The following CELSR3 variants were observed in gnomAD, a reference collection of about 807,000 sequenced individuals.
CELSR3 encodes EGF-like protein 1.
CELSR3 carries 73 observed loss-of-function variants against 270.0 expected under a neutral mutation model. That is an observed-to-expected ratio of 0.27 (90% confidence interval 0.22 to 0.33). The LOEUF (loss-of-function observed/expected upper bound fraction) is 0.33. CELSR3 is among the 10% of genes least tolerant of loss of function. CELSR3 has a pLI of 1.00. For synonymous variants in CELSR3, 1,780 were observed against 1,905.4 expected (o/e 0.93, Z 1.71); for missense variants, 3,614 against 4,533.8 (o/e 0.80, Z 5.83).
chr3:48,662,235 A>G lies in CELSR3; in HGVS notation c.400T>C (p.Tyr134His). 1 of 1,613,154 alleles carries G rather than the reference A, an allele frequency of 6.2e-7. No homozygotes were observed. Among genetic ancestry groups the G allele is most frequent in the Non-Finnish European group, 8.5e-7 (1 of 1,180,016 alleles). The stretch of plus-strand genomic sequence containing the variant: ...CAAGAGGAGACCTCTGGGCGCCAGT[A>G]TAACACAGACCCTGGTCCCTGTCCT... ...ETGQGPGSVL[Y>H]WRPEVSSCGR... is the part of the protein sequence containing the mutation. Residue 134 changes from tyrosine (Y) to histidine (H), a missense_variant, in exon 1 of 35, where the codon TAC becomes CAC. By Grantham distance (83) the Tyr-to-His change is moderately conservative. Coordinates refer to ENST00000164024, the MANE Select transcript of CELSR3 (RefSeq NM_001407.3). This position sits in a 1 kb window ranked among gnomAD's most constrained non-coding sequence, Gnocchi z 7.1.
In CELSR3 at chr3:48,652,538, C is replaced by T; in HGVS notation, c.5650G>A (p.Gly1884Arg). Residue 1884 changes from glycine to arginine, a missense_variant, in exon 11 of 35, where the codon GGG becomes AGG. Transcript: ENST00000164024. The surrounding 1 kb of genome is among the most constrained non-coding windows in gnomAD (Gnocchi z 4.3). ...FSLFQDTMAV[G>R]SELQGLKVKQ... ...ACCTTCAGGCCCTGCAGCTCACTCCCCACCGCCATGGTGTCCTGGAGGAAG... is the reference window on the plus strand; with the variant it reads ...ACCTTCAGGCCCTGCAGCTCACTCCTCACCGCCATGGTGTCCTGGAGGAAG... 6.2e-7 allele frequency: 1 copy of T among 1,610,780 alleles called. No homozygotes were observed. Among genetic ancestry groups the T allele is most frequent in the South Asian group, 1.1e-5 (1 of 90,784 alleles).
At chr3:48,638,768 C>T (rs2046996232) in intron 34 of CELSR3, among the ~76,000 whole-genome samples, 1 of 151,190 alleles carries the variant, frequency 6.6e-6, no homozygotes, top group South Asian at 2.1e-4. Context: ...TGGTCCCCAC[C>T]CCCAGCAGCC....
At position 48,661,792 on chromosome 3, in the gene CELSR3, G is replaced by A. The variant is rs2077068389; in HGVS notation, c.843C>T (p.Leu281=). 1.2e-6 allele frequency: 2 copies of A among 1,606,132 alleles called. No homozygotes were observed. Among genetic ancestry groups the A allele is most frequent in the Non-Finnish European group, 8.5e-7 (1 of 1,178,040 alleles). ...GCTGCGGGAGGAAGCGGCAGCGGAA[G>A]AGACCCCGGGAGCGCATGCGCTTGG... ...PAPKRMRSRG[L]FRCRFLPQRP... The change falls in exon 1 of 35, where the codon CTC becomes CTT. Residue 281 remains leucine, a synonymous_variant. Coordinates refer to ENST00000164024, the MANE Select transcript of CELSR3 (RefSeq NM_001407.3).
rs2047022119 is a variant in CELSR3 at position 48,641,075 on chromosome 3, T to C, written c.9025+249A>G. ...GCTCCTAGGGTCTCTGAAAAACAGA[T>C]GGGCTGGGGCAGGAGTGGTCGCCTG... On this transcript the variant is annotated intron_variant, in intron 33 of 34. Coordinates refer to ENST00000164024, the MANE Select transcript of CELSR3 (RefSeq NM_001407.3). The surrounding 1 kb of genome is among the most constrained non-coding windows in gnomAD (Gnocchi z 4.8). The C allele has an allele frequency of 7.8e-6, 4 of 512,868 alleles. No individual in the cohort carries two copies. The highest frequency in any genetic ancestry group is 1.4e-5 in the Non-Finnish European group (4 of 289,696). The allele number at this position is 512,868 out of a possible 1,614,324, so 31.8% of individuals were successfully genotyped here.
Position 48,646,512 on chromosome 3 carries a change from C to G in CELSR3, c.7295+251G>C, listed in dbSNP as rs1168676977. Among the ~76,000 whole-genome samples the G allele has an allele frequency of 1.3e-5, 2 of 152,246 alleles. No individual in the cohort carries two copies. Among genetic ancestry groups the G allele is most frequent in the African/African-American group, 4.8e-5 (2 of 41,456 alleles). On this transcript the variant is annotated intron_variant, in intron 21 of 34. Coordinates refer to ENST00000164024, the MANE Select transcript of CELSR3 (RefSeq NM_001407.3). This position sits in a 1 kb window ranked among gnomAD's most constrained non-coding sequence, Gnocchi z 4.8. Reference sequence around the variant, plus strand: ...TCAGTCAGCCTGTCCTTGTCTGTCTCTGTCAGCCCTTTGGTCTGTCTGTAC... The same window carrying G: ...TCAGTCAGCCTGTCCTTGTCTGTCTGTGTCAGCCCTTTGGTCTGTCTGTAC...
Position 48,646,014 on chromosome 3 carries a change from C to T in CELSR3, c.7463+76G>A. On this transcript the variant is annotated intron_variant, in intron 22 of 34. Transcript: ENST00000164024. The surrounding 1 kb of genome is among the most constrained non-coding windows in gnomAD (Gnocchi z 4.8). The stretch of plus-strand genomic sequence containing the variant: ...TGCACAACAGCACTAGTGGGGGCCC[C>T]AGGGGAAGGCTGGGACTATTAGTTG... 1 of 1,589,070 alleles carries T rather than the reference C, an allele frequency of 6.3e-7. No individual in the cohort carries two copies. The highest frequency in any genetic ancestry group is 8.6e-7 in the Non-Finnish European group (1 of 1,164,428).
chr3:48,651,190 A>T lies in CELSR3; in HGVS notation c.6187-115T>A. ...TCATGGGCCAGAGGACACCTGGGTC[A>T]TGCGTGAAGCCAAGGGAGGGGTCAC... On this transcript the variant is annotated intron_variant, in intron 14 of 34. Coordinates refer to ENST00000164024, the MANE Select transcript of CELSR3 (RefSeq NM_001407.3). The surrounding 1 kb of genome is among the most constrained non-coding windows in gnomAD (Gnocchi z 7.4). 1 of 1,437,170 alleles carries T rather than the reference A, an allele frequency of 7.0e-7. No individual in the cohort carries two copies. The highest frequency in any genetic ancestry group is 9.5e-7 in the Non-Finnish European group (1 of 1,048,564). The allele number at this position is 1,437,170 out of a possible 1,614,324, so 89.0% of individuals were successfully genotyped here. A position where few individuals can be genotyped will look rare whatever the true frequency, so the allele number is the denominator to read the frequency against.
Position 48,661,765 on chromosome 3 carries a change from G to T in CELSR3, c.870C>A (p.Arg290=). 1.3e-6 allele frequency: 2 copies of T among 1,595,872 alleles called. No homozygotes were observed. Among genetic ancestry groups the T allele is most frequent in the Non-Finnish European group, 1.7e-6 (2 of 1,173,072 alleles). The change falls in exon 1 of 35, where the codon CGC becomes CGA. Residue 290 remains arginine (R), a synonymous_variant. Coordinates refer to ENST00000164024, the MANE Select transcript of CELSR3 (RefSeq NM_001407.3). The part of the protein sequence containing the change: ...GLFRCRFLPQ[R]PGPRPPGLPA... ...GGAGTCCCGGGGGACGCGGCCCGGG[G>T]CGCTGCGGGAGGAAGCGGCAGCGGA... is the stretch of plus-strand genomic sequence containing the variant.
Position 48,654,251 on chromosome 3 carries a change from A to C in CELSR3, c.5152+38T>G, listed in dbSNP as rs1379058415. 12 of 1,612,548 alleles carry C rather than the reference A, an allele frequency of 7.4e-6. No individual in the cohort carries two copies. The highest frequency in any genetic ancestry group is 1.0e-5 in the Non-Finnish European group (12 of 1,179,466). ...TCCACTTCCTCCCTATGATGGGGAC[A>C]GGGCCATGGGCTAGGCTGGTGGAAG... On this transcript the variant is annotated intron_variant, in intron 7 of 34. Coordinates refer to ENST00000164024, the MANE Select transcript of CELSR3 (RefSeq NM_001407.3). This position sits in a 1 kb window ranked among gnomAD's most constrained non-coding sequence, Gnocchi z 5.4.
In CELSR3 at chr3:48,652,109, G is replaced by A; in HGVS notation, c.5752-61C>T. The stretch of plus-strand genomic sequence containing the variant: ...TTAAGGCACCTCAGCCTCAAGTACT[G>A]CAGAGCCAGCCACCCGGTCTGATGA... On this transcript the variant is annotated intron_variant, in intron 11 of 34. Transcript: ENST00000164024. This position sits in a 1 kb window ranked among gnomAD's most constrained non-coding sequence, Gnocchi z 4.3. 1 of 1,427,380 alleles carries A rather than the reference G, an allele frequency of 7.0e-7. No homozygotes were observed. The allele number at this position is 1,427,380 out of a possible 1,614,324, so 88.4% of individuals were successfully genotyped here. A position where few individuals can be genotyped will look rare whatever the true frequency, so the allele number is the denominator to read the frequency against.
At position 48,646,748 on chromosome 3, in the gene CELSR3, G is replaced by T; in HGVS notation, c.7295+15C>A. The T allele has an allele frequency of 1.2e-6, 2 of 1,605,880 alleles. No individual in the cohort carries two copies. Among genetic ancestry groups the T allele is most frequent in the Non-Finnish European group, 1.7e-6 (2 of 1,177,414 alleles). ...AGAAGTTCGTAGGAAGCTCAGGGGT[G>T]AGGGGCCTGAGTACCTGGCACCTCG... On this transcript the variant is annotated intron_variant, in intron 21 of 34. Coordinates refer to ENST00000164024, the MANE Select transcript of CELSR3 (RefSeq NM_001407.3). The surrounding 1 kb of genome is among the most constrained non-coding windows in gnomAD (Gnocchi z 4.8).
At position 48,641,984 on chromosome 3, in the gene CELSR3, G is replaced by A; in HGVS notation, c.8691C>T (p.Asp2897=). 6.4e-7 allele frequency: 1 copy of A among 1,563,218 alleles called. No individual in the cohort carries two copies. The highest frequency in any genetic ancestry group is 8.6e-7 in the Non-Finnish European group (1 of 1,158,800). The part of the protein sequence containing the change: ...DAGADSDSDS[D]LSLEEERSLS... ...GACTCCTCTCCTCCTCCAAGGACAG[G>A]TCACTGTCAGAGTCGGAGTCTGCGC... The change falls in exon 32 of 35, where the codon GAC becomes GAT. Residue 2897 remains aspartate, a synonymous_variant. Transcript: ENST00000164024. This position sits in a 1 kb window ranked among gnomAD's most constrained non-coding sequence, Gnocchi z 4.8.
In CELSR3 at chr3:48,648,425, C is replaced by A; in HGVS notation, c.6814G>T (p.Glu2272Ter). The A allele has an allele frequency of 6.3e-7, 1 of 1,599,924 alleles. No homozygotes were observed. ...AGCGCCGCCCACAAGTCCCCTGTCT[C>A]TGGGGCAAGCAGTGCAGAGCCGGCC... ...LWAGSALLAP[E>*]TGDLWAALGQ... The change falls in exon 19 of 35, where the codon GAG (glutamate) becomes TAG (stop). Residue 2272 changes from glutamate to a stop codon, truncating the protein, a stop_gained. Transcript: ENST00000164024. LOFTEE classifies it high-confidence loss of function.
At chr3:48,649,838 C>G (rs149722426) in intron 16 of CELSR3, among the ~76,000 whole-genome samples, 1 of 152,152 alleles carries the variant, frequency 6.6e-6, no homozygotes, top group South Asian at 2.1e-4. Flanking sequence ...TTCACAGACA[C>G]GTGCACAGGC....
Position 48,645,552 on chromosome 3 carries a change from C to T in CELSR3, c.7688G>A (p.Ser2563Asn). The change falls in exon 24 of 35, where the codon AGC becomes AAC. Residue 2563 changes from serine (S) to asparagine (N), a missense_variant. By Grantham distance (46) the Ser-to-Asn change is conservative (BLOSUM62 1). Transcript: ENST00000164024. This position sits in a 1 kb window ranked among gnomAD's most constrained non-coding sequence, Gnocchi z 5.4. ...CACATTGGACTTGAGGCTGCGCAGG[C>T]TCAGCAGGATGGCTGCAGTCAGCAC... ...ALVLTAAILLSLRSLKSNVRG... is the reference protein window; with the variant it reads ...ALVLTAAILLNLRSLKSNVRG... The T allele has an allele frequency of 6.2e-7, 1 of 1,612,698 alleles. No individual in the cohort carries two copies. Among genetic ancestry groups the T allele is most frequent in the Non-Finnish European group, 8.5e-7 (1 of 1,180,002 alleles).
In CELSR3 at chr3:48,650,949, G is replaced by A. The variant is rs538520019; in HGVS notation, c.6313C>T (p.Arg2105Cys). 8 of 1,611,750 alleles carry A rather than the reference G, an allele frequency of 5.0e-6. No homozygotes were observed. The highest frequency in any genetic ancestry group is 6.8e-6 in the Non-Finnish European group (8 of 1,179,826). The change falls in exon 15 of 35, where the codon CGC becomes TGC. Residue 2105 changes from arginine (R) to cysteine (C), a missense_variant. Coordinates refer to ENST00000164024, the MANE Select transcript of CELSR3 (RefSeq NM_001407.3). The surrounding 1 kb of genome is among the most constrained non-coding windows in gnomAD (Gnocchi z 5.1). ...QCPCRPGALGRQCNSCDSPFA... is the reference protein window; with the variant it reads ...QCPCRPGALGCQCNSCDSPFA... The stretch of plus-strand genomic sequence containing the variant: ...GGACTGTCACAGCTGTTGCACTGGC[G>A]GCCAAGGGCTCCTGGGCGACAGGGG...
In CELSR3 at chr3:48,650,186, T is replaced by A; in HGVS notation, c.6472+294A>T. On this transcript the variant is annotated intron_variant, in intron 16 of 34. Transcript: ENST00000164024. The surrounding 1 kb of genome is among the most constrained non-coding windows in gnomAD (Gnocchi z 5.1). ...AGGGACTTTAGGCAGCAGGGAGGGG[T>A]CTGCAGGGACCTCAGGCAGCAGGAG... is the stretch of plus-strand genomic sequence containing the variant. 1.9e-6 allele frequency: 1 copy of A among 537,200 alleles called. No individual in the cohort carries two copies. Among genetic ancestry groups the A allele is most frequent in the Non-Finnish European group, 3.6e-6 (1 of 279,592 alleles). The allele number at this position is 537,200 out of a possible 1,614,324, so 33.3% of individuals were successfully genotyped here. A position where few individuals can be genotyped will look rare whatever the true frequency, so the allele number is the denominator to read the frequency against.
At position 48,645,746 on chromosome 3, in the gene CELSR3, C is replaced by T. The variant is rs150686228; in HGVS notation, c.7586G>A (p.Arg2529His). 519 of 1,608,504 alleles carry T rather than the reference C, an allele frequency of 3.2e-4. 1 individual carries two copies. The highest frequency in any genetic ancestry group is 4.1e-4 in the Non-Finnish European group (485 of 1,176,648). Residue 2529 changes from arginine (R) to histidine (H), a missense_variant, in exon 23 of 35, where the codon CGT becomes CAT. This residue lies in a region of CELSR3 where 1,240 missense variants were observed against 1,351.7 expected (regional missense o/e 0.92). Transcript: ENST00000164024. The surrounding 1 kb of genome is among the most constrained non-coding windows in gnomAD (Gnocchi z 5.4). The stretch of plus-strand genomic sequence containing the variant: ...GGACACTGAACACAGCCCCACCTCA[C>T]GGGGAGAGGCATCCATGAGGACCCC... ...TFGVLMDASPRERLEGDLELL... is the reference protein window; with the variant it reads ...TFGVLMDASPHERLEGDLELL...
In CELSR3 at chr3:48,656,629, C is replaced by G. The variant is rs2077024140; in HGVS notation, c.4399+69G>C. Reference sequence around the variant, plus strand: ...CCTCAGAAGTGACTCCCAGTACTCACTCGCATTGTGGTCCCGCCCCCAGCC... The same window carrying G: ...CCTCAGAAGTGACTCCCAGTACTCAGTCGCATTGTGGTCCCGCCCCCAGCC... On this transcript the variant is annotated intron_variant, in intron 2 of 34. Coordinates refer to ENST00000164024, the MANE Select transcript of CELSR3 (RefSeq NM_001407.3). 2.8e-6 allele frequency: 4 copies of G among 1,432,888 alleles called. No homozygotes were observed. In the African/African-American group the frequency reaches 4.3e-5, roughly 15 times the overall value. 88.8% of individuals were successfully genotyped at this position (1,432,888 alleles called of 1,614,324 possible).
Sources: allele counts gnomAD v4.1 joint callset (sites outside exome capture counted in the v4.1 genomes callset), GRCh38; gene constraint gnomAD v4.1.1; regional missense constraint gnomAD v4.1.1; non-coding constraint Gnocchi (gnomAD v3.1); transcripts MANE v1.5; gene names NCBI Gene and HGNC (gene_info 2026-07-23, HGNC 2026-07-21).